The following NRG1 variants were observed in gnomAD, a reference collection of about 807,000 sequenced individuals.
The protein encoded by NRG1 is pro-neuregulin-1, membrane-bound isoform.
NRG1 carries 18 observed loss-of-function variants against 63.8 expected under a neutral mutation model. The observed-to-expected ratio is 0.28, with a 90% CI of 0.19 to 0.42. The LOEUF is 0.42. Among genes scored for constraint, NRG1 ranks in the 10% least tolerant of loss-of-function variants. NRG1 has a pLI of 1.00. For synonymous variants in NRG1, 302 were observed against 301.3 expected (o/e 1.00, Z -0.02); for missense variants, 762 against 814.7 (o/e 0.94, Z 0.79).
chr8:32,640,620 GCACACACACACACACACACA>G (rs58796067), intron 5 of NRG1, among the ~76,000 whole-genome samples: 10 of 132,224 alleles, frequency 7.6e-5, no homozygotes, highest in Non-Finnish European at 1.6e-4. Context: ...TCTCAGACCC[GCACACACACACACACACACA>G]CACACACACA....
chr8:32,369,024 C>T (rs1808454413), intron 1 of NRG1, among the ~76,000 whole-genome samples: 1 of 152,162 alleles, frequency 6.6e-6, no homozygotes, highest in Non-Finnish European at 1.5e-5. Context: ...ACATTTTCTA[C>T]CCTGCTTTTC....
At chr8:32,497,253 C>A (rs997793692) in intron 1 of NRG1, among the ~76,000 whole-genome samples, 18 of 151,968 alleles carry the variant, frequency 1.2e-4, no homozygotes, top group African/African-American at 3.9e-4. Flanking sequence ...TCGAGACCAG[C>A]CTGGCCAACA....
intron 5 of NRG1, among the ~76,000 whole-genome samples, chr8:32,716,133 G>A (rs1819163316): frequency 6.6e-6 from 1 of 152,188 alleles, no homozygotes; most frequent in Non-Finnish European, 1.5e-5. Flanking sequence ...GGGAGTCACT[G>A]GATTCTGTGG....
intron 1 of NRG1, among the ~76,000 whole-genome samples, chr8:32,071,361 A>G (rs1283254900): frequency 6.6e-6 from 1 of 152,182 alleles, no homozygotes; most frequent in Non-Finnish European, 1.5e-5. Flanking sequence ...GGTTTTAAAG[A>G]TTAGCACTTG....
chr8:31,850,503 C>T (rs1191061146), intron 1 of NRG1, among the ~76,000 whole-genome samples: 2 of 152,144 alleles, frequency 1.3e-5, no homozygotes, highest in Non-Finnish European at 2.9e-5. Context: ...ACCAGATTTG[C>T]CTGGCATGGC....
intron 1 of NRG1, among the ~76,000 whole-genome samples, chr8:32,049,195 A>G (rs1194543109): frequency 2.0e-5 from 3 of 152,090 alleles, no homozygotes; most frequent in Admixed American, 6.6e-5. Flanking sequence ...AGCTAAGGAA[A>G]CCCTGAGAAA....
At chr8:32,496,329 T>C (rs775971278) in intron 1 of NRG1, among the ~76,000 whole-genome samples, 2 of 152,212 alleles carry the variant, frequency 1.3e-5, no homozygotes, top group African/African-American at 4.8e-5. Flanking sequence ...CTAGAAAAGA[T>C]TGGCCAGTTA....
intron 1 of NRG1, among the ~76,000 whole-genome samples, chr8:32,322,232 G>T (rs1433046476): frequency 6.6e-6 from 1 of 151,740 alleles, no homozygotes; most frequent in African/African-American, 2.4e-5. Context: ...TCCTTTACTT[G>T]TGGAGATTTT....
At chr8:32,376,963 C>G (rs1809709507) in intron 1 of NRG1, among the ~76,000 whole-genome samples, 1 of 152,206 alleles carries the variant, frequency 6.6e-6, no homozygotes, top group South Asian at 2.1e-4. Context: ...AGAATTTTCT[C>G]ACATGGGACT....
At chr8:32,177,625 T>TATAA (rs1402544844) in intron 1 of NRG1, among the ~76,000 whole-genome samples, 1 of 151,934 alleles carries the variant, frequency 6.6e-6, no homozygotes, top group Non-Finnish European at 1.5e-5. Context: ...CTCCCACTTA[T>TATAA]GAGTGAGAAC....
intron 1 of NRG1, among the ~76,000 whole-genome samples, chr8:32,124,256 A>G (rs12547959): frequency 0.65 from 97,950 of 151,732 alleles, 32,515 homozygotes; most frequent in African/African-American, 0.79. Context: ...ATGACGAATC[A>G]AATCCTCAGA....
intron 1 of NRG1, among the ~76,000 whole-genome samples, chr8:31,851,732 A>G (rs1290079744): frequency 2.0e-5 from 3 of 147,576 alleles, no homozygotes; most frequent in African/African-American, 5.0e-5. Context: ...AGCATTAGGT[A>G]TATCTCCCAA....
At chr8:31,707,524 C>T (rs1167905223) in intron 1 of NRG1, among the ~76,000 whole-genome samples, 1 of 151,940 alleles carries the variant, frequency 6.6e-6, no homozygotes, top group Non-Finnish European at 1.5e-5. Context: ...TTGTTTTATT[C>T]AAACAGCTGG....
chr8:32,301,793 G>C (rs956072343), intron 1 of NRG1, among the ~76,000 whole-genome samples: 5 of 152,128 alleles, frequency 3.3e-5, no homozygotes, highest in Non-Finnish European at 4.4e-5. Flanking sequence ...AATTCCATCA[G>C]CTCCCACGGG....
chr8:32,109,886 G>A (rs1831774563), intron 1 of NRG1, among the ~76,000 whole-genome samples: 1 of 152,140 alleles, frequency 6.6e-6, no homozygotes, highest in Non-Finnish European at 1.5e-5. Flanking sequence ...TAGGTTGCTA[G>A]AAAGCTCTGG....
At chr8:32,476,437 T>C (rs10808325) in intron 1 of NRG1, among the ~76,000 whole-genome samples, 16,031 of 152,230 alleles carry the variant, frequency 0.11, 1,204 homozygotes, top group Admixed American at 0.24. Context: ...ACAGAAAAGT[T>C]TCATTTCAGG....
intron 1 of NRG1, among the ~76,000 whole-genome samples, chr8:32,280,679 G>GGTTTTTTTTTT (rs1417522297): frequency 3.8e-4 from 36 of 95,134 alleles, no homozygotes; most frequent in Admixed American, 5.5e-4. Context: ...AACTGAATTA[G>GGTTTTTTTTTT]GTTTTTTTTT....
In NRG1 at chr8:32,616,098, T is replaced by C. The variant is rs147699534; in HGVS notation, c.452-737T>C. On this transcript the variant is annotated intron_variant, in intron 4 of 11. Transcript: ENST00000356819. ...TGGCTGTTGACTTTCAATCCTTCTT[T>C]GATACTAAGACTTCTTTATTTCTTA... 2.7e-3 allele frequency among the ~76,000 whole-genome samples: 416 copies of C among 152,242 alleles called. 4 individuals carry two copies. The highest frequency in any genetic ancestry group is 4.3e-3 in the Non-Finnish European group (294 of 67,980).
At chr8:32,726,113 A>T (rs1822112930) in intron 5 of NRG1, among the ~76,000 whole-genome samples, 1 of 152,194 alleles carries the variant, frequency 6.6e-6, no homozygotes, top group Admixed American at 6.5e-5. Flanking sequence ...GTAATAAAAA[A>T]TTAGTCCAAT....
Sources: gnomAD v4.1 joint callset for allele counts (sites outside exome capture counted in the v4.1 genomes callset) on GRCh38, gnomAD v4.1.1 for gene constraint, MANE v1.5 for transcripts, NCBI Gene and HGNC (gene_info 2026-07-23, HGNC 2026-07-21) for gene names.